The following RYR3 variants were observed in gnomAD, a reference collection of about 807,000 sequenced individuals.
The protein encoded by RYR3 is ryanodine receptor 3.
RYR3 carries 207 observed loss-of-function variants against 584.3 expected under a neutral mutation model. The ratio of observed to expected loss-of-function variants is 0.35; its 90% CI spans 0.32 to 0.40. The LOEUF is 0.40. Ranked by LOEUF, RYR3 falls within the 10% of genes least tolerant of loss-of-function variation. RYR3 has a pLI of 1.00. For synonymous variants in RYR3, 2,416 were observed against 2,248.5 expected (o/e 1.07, Z -2.11); for missense variants, 5,616 against 6,089.2 (o/e 0.92, Z 2.59).
intron 28 of RYR3, among the ~76,000 whole-genome samples, chr15:33,644,793 A>G (rs1274863877): frequency 6.6e-6 from 1 of 152,150 alleles, no homozygotes; most frequent in Non-Finnish European, 1.5e-5. Flanking sequence ...ATGTTCCTAT[A>G]CTGTGTTGTC....
chr15:33,759,999 G>A (rs987748131), intron 60 of RYR3, among the ~76,000 whole-genome samples: 2 of 151,308 alleles, frequency 1.3e-5, no homozygotes, highest in African/African-American at 4.8e-5. Flanking sequence ...CATTCTTAAG[G>A]GAATTTTCAA....
At chr15:33,629,386 G>C (rs1316875756) in intron 21 of RYR3, among the ~76,000 whole-genome samples, 1 of 152,188 alleles carries the variant, frequency 6.6e-6, no homozygotes, top group Non-Finnish European at 1.5e-5. Context: ...GGGGGAAAAA[G>C]TAAAATATCT....
intron 1 of RYR3, among the ~76,000 whole-genome samples, chr15:33,450,873 A>G (rs1419208196): frequency 6.6e-6 from 1 of 152,146 alleles, no homozygotes; most frequent in Non-Finnish European, 1.5e-5. Flanking sequence ...GGTAGGACGC[A>G]TGTTTGGTGG....
At chr15:33,725,180 C>CACACACATATATAT (rs1555427022) in intron 45 of RYR3, among the ~76,000 whole-genome samples, 1 of 143,792 alleles carries the variant, frequency 7.0e-6, no homozygotes, top group Non-Finnish European at 1.5e-5. Context: ...CACACACACA[C>CACACACATATATAT]ACACACACAC....
intron 1 of RYR3, among the ~76,000 whole-genome samples, chr15:33,419,414 T>C (rs1322689530): frequency 6.6e-6 from 1 of 152,134 alleles, no homozygotes; most frequent in African/African-American, 2.4e-5. Context: ...TGGAGGTGCA[T>C]TGTGTGCCAG....
At chr15:33,523,285 G>A (rs529387026) in intron 3 of RYR3, among the ~76,000 whole-genome samples, 32 of 152,294 alleles carry the variant, frequency 2.1e-4, no homozygotes, top group South Asian at 8.3e-4. Context: ...CCCCTTCCAC[G>A]CAGTGGAAGC....
In RYR3 at chr15:33,696,261, C is replaced by T. The variant is rs937366211; in HGVS notation, c.5904C>T (p.Ala1968=). 3.7e-6 allele frequency: 6 copies of T among 1,613,614 alleles called. No individual in the cohort carries two copies. In the African/African-American group the frequency reaches 6.7e-5, roughly 18 times the overall value. ...TCTCACAGACGATGATCTGCTGGGCCCAGGAGGACCAGATCCAGGATTCAG... is the reference window on the plus strand; with the variant it reads ...TCTCACAGACGATGATCTGCTGGGCTCAGGAGGACCAGATCCAGGATTCAG... ...ELISQTMICW[A]QEDQIQDSEL... The change falls in exon 39 of 104, where the codon GCC becomes GCT. Residue 1968 remains alanine, a synonymous_variant. Transcript: ENST00000634891.
At chr15:33,804,634 C>T (rs947314776) in intron 69 of RYR3, among the ~76,000 whole-genome samples, 7 of 152,154 alleles carry the variant, frequency 4.6e-5, no homozygotes, top group Non-Finnish European at 7.3e-5. Flanking sequence ...ACCATGCCTC[C>T]GATAAGAAAT....
chr15:33,796,948 T>A (rs1181130921), intron 67 of RYR3, among the ~76,000 whole-genome samples: 4 of 152,194 alleles, frequency 2.6e-5, no homozygotes, highest in Non-Finnish European at 5.9e-5. Context: ...CAAAATCGTG[T>A]CTTTTATAGC....
rs1244414635 is a variant in RYR3 at position 33,756,319 on chromosome 15, CA to C, written c.8530del (p.Ser2844ValfsTer40). ...GTGTCTTCGTAGAAGCCATTGTCAG[CA>C]GTGGGAAAACTGAAAAGTCTCCCCG... ...FIAHLEAIVS[S>X]GKTEKSPRDQ... is the part of the protein sequence containing the mutation. On this transcript the variant is annotated frameshift_variant, in exon 59 of 104. Coordinates refer to ENST00000634891, the MANE Select transcript of RYR3 (RefSeq NM_001036.6). LOFTEE classifies it high-confidence loss of function. 1 of 1,579,126 alleles carries C rather than the reference CA, an allele frequency of 6.3e-7. No individual in the cohort carries two copies. The highest frequency in any genetic ancestry group is 1.3e-5 in the African/African-American group (1 of 74,250).
chr15:33,752,017 T>C (rs2071362489), intron 57 of RYR3, among the ~76,000 whole-genome samples: 1 of 152,190 alleles, frequency 6.6e-6, no homozygotes, highest in Admixed American at 6.5e-5. Flanking sequence ...TTTTGTCAGG[T>C]TTGTCAAAGA....
At chr15:33,830,932 G>A in intron 85 of RYR3, 31 bp from the exon 86 acceptor site, 1 of 1,606,486 alleles carries the variant, frequency 6.2e-7, no homozygotes, top group Non-Finnish European at 8.5e-7. Context: ...TGAAGTCTGA[G>A]AAATACTAAG....
chr15:33,719,123 C>G (rs1407676154), intron 43 of RYR3, among the ~76,000 whole-genome samples: 4 of 152,168 alleles, frequency 2.6e-5, no homozygotes, highest in Non-Finnish European at 4.4e-5. Context: ...TTCCTTGGTC[C>G]CCTGTCTAAT....
chr15:33,454,678 T>C (rs920520254), intron 1 of RYR3, among the ~76,000 whole-genome samples: 1 of 152,136 alleles, frequency 6.6e-6, no homozygotes, highest in African/African-American at 2.4e-5. Context: ...GATTAGATGA[T>C]GTATATGATG....
intron 36 of RYR3, among the ~76,000 whole-genome samples, chr15:33,664,503 C>T (rs945713876): frequency 1.3e-5 from 2 of 150,518 alleles, no homozygotes; most frequent in Non-Finnish European, 2.9e-5. Flanking sequence ...ATAAATCTTT[C>T]AGCGAAGGAA....
chr15:33,833,391 G>A (rs1769177365), intron 86 of RYR3, among the ~76,000 whole-genome samples: 1 of 152,034 alleles, frequency 6.6e-6, no homozygotes, highest in African/African-American at 2.4e-5. Flanking sequence ...GAGCCAACTG[G>A]CACAGTCAGA....
At chr15:33,826,203 G>A (rs756806625) in intron 82 of RYR3, 49 bp from the exon 83 acceptor site, 2 of 1,579,378 alleles carry the variant, frequency 1.3e-6, no homozygotes, top group Non-Finnish European at 1.7e-6. Flanking sequence ...TTATCATGAT[G>A]TTTACAGTTT....
At chr15:33,584,983 C>T (rs1198744978) in intron 15 of RYR3, among the ~76,000 whole-genome samples, 1 of 152,118 alleles carries the variant, frequency 6.6e-6, no homozygotes, top group East Asian at 1.9e-4. Context: ...TATCTATAGT[C>T]CTCCCTCATG....
intron 43 of RYR3, among the ~76,000 whole-genome samples, chr15:33,711,836 A>G (rs866769612): frequency 6.6e-6 from 1 of 152,044 alleles, no homozygotes; most frequent in Non-Finnish European, 1.5e-5. Context: ...CCCTACAAAC[A>G]CTTTCAATCT....
Sources: allele counts gnomAD v4.1 joint callset (sites outside exome capture counted in the v4.1 genomes callset), GRCh38; gene constraint gnomAD v4.1.1; transcripts MANE v1.5; gene names NCBI Gene and HGNC (gene_info 2026-07-23, HGNC 2026-07-21).